The following PAFAH1B2 variants were observed in gnomAD, a reference collection of about 807,000 sequenced individuals.
PAFAH1B2 encodes platelet activating factor acetylhydrolase 1b catalytic subunit 2, also known as platelet-activating factor acetylhydrolase IB subunit alpha2.
Under a neutral mutation model 28.0 loss-of-function variants are expected in PAFAH1B2, and 8 were observed. That is an observed-to-expected ratio of 0.29 (90% CI 0.17 to 0.52). The LOEUF (loss-of-function observed/expected upper bound fraction) is 0.52, where lower values mean the gene tolerates loss of function less well. Ranked by LOEUF, PAFAH1B2 falls within the 20% of genes least tolerant of loss-of-function variation. The probability of loss-of-function intolerance (pLI) is 0.97; values close to 1 mark genes in which losing one functional copy is unlikely to be tolerated. For synonymous variants in PAFAH1B2, 104 were observed against 103.2 expected, an observed-to-expected ratio of 1.01 and a Z score of -0.05; for missense variants, 190 against 282.6, an observed-to-expected ratio of 0.67 and a Z score of 2.35.
At chr11:117,157,033 AAAAAAG>A (rs956944422) in intron 2 of PAFAH1B2, among the ~76,000 whole-genome samples, 3 of 129,936 alleles carry the variant, frequency 2.3e-5, no homozygotes, top group Admixed American at 7.4e-5. Flanking sequence ...TCAAAATCTC[AAAAAAG>A]AAAAAAAAAA....
At chr11:117,161,342 AT>A (rs1347103678) in intron 4 of PAFAH1B2, 81 bp downstream of exon 4, 1 of 913,180 alleles carries the variant, frequency 1.1e-6, no homozygotes, top group Non-Finnish European at 1.6e-6. Flanking sequence ...GTAAAAAAAA[AT>A]TGCTTCTTTA....
chr11:117,151,931 TCTCCTGAC>T (rs1244568324), intron 1 of PAFAH1B2, among the ~76,000 whole-genome samples: 3 of 151,974 alleles, frequency 2.0e-5, no homozygotes, highest in Non-Finnish European at 4.4e-5. Flanking sequence ...ATGGTCTTGA[TCTCCTGAC>T]CTCGTGATCC....
intron 5 of PAFAH1B2, 58 bp from the exon 6 acceptor site, chr11:117,167,360 AAAT>A (rs2134215531): frequency 6.9e-7 from 1 of 1,455,830 alleles, no homozygotes; most frequent in Non-Finnish European, 9.2e-7. Flanking sequence ...CTGAAGTTAT[AAAT>A]AATAAGTAGA....
rs747196488 is a variant in PAFAH1B2, at chr11:117,169,642, TAAC to T, written c.*1948_*1950del. The T allele has an allele frequency of 4.4e-5, 46 of 1,052,658 alleles. No individual in the cohort carries two copies. Among genetic ancestry groups the T allele is most frequent in the Non-Finnish European group, 5.1e-5 (44 of 870,520 alleles). The allele number at this position is 1,052,658 out of a possible 1,614,324, so 65.2% of individuals were successfully genotyped here. A position where few individuals can be genotyped will look rare whatever the true frequency, so the allele number is the denominator to read the frequency against. On this transcript the variant is annotated 3_prime_UTR_variant, in exon 6 of 6. Transcript: ENST00000527958. ...TTTTTTGAATGTATCATGTCTTCAT[TAAC>T]AACAGAAAATCCACATGGTGTTTAC...
At chr11:117,161,359 C>A in intron 4 of PAFAH1B2, 98 bp downstream of exon 4, 1 of 687,578 alleles carries the variant, frequency 1.5e-6, no homozygotes, top group South Asian at 2.2e-5. Context: ...CTTTAAAGAC[C>A]TATTTCACTA....
rs924954383 is a variant in PAFAH1B2, at chr11:117,152,765, T to TA, written c.81+247dup. ...TTGACCAAAACTGCAAAGGGGCAAT[T>TA]AAAAAAAAAACAAAACAAAACTCTA... On this transcript the variant is annotated intron_variant, in intron 2 of 5. Coordinates refer to ENST00000527958, the MANE Select transcript of PAFAH1B2 (RefSeq NM_002572.4). 7.9e-5 allele frequency among the ~76,000 whole-genome samples: 12 copies of TA among 151,452 alleles called. No homozygotes were observed. In the East Asian group the frequency reaches 1.4e-3, roughly 17 times the overall value.
At chr11:117,152,091 A>G (rs1166901680) in intron 1 of PAFAH1B2, among the ~76,000 whole-genome samples, 1 of 152,188 alleles carries the variant, frequency 6.6e-6, no homozygotes, top group East Asian at 1.9e-4. Flanking sequence ...ATTGTACTGT[A>G]AGTGTCTAAT....
chr11:117,171,055 GTCTT>G (rs775989154), downstream of PAFAH1B2: 36 of 1,026,568 alleles, frequency 3.5e-5, no homozygotes, highest in Non-Finnish European at 4.2e-5. Flanking sequence ...ATTTGCTGGT[GTCTT>G]TCTGTCTCCT....
chr11:117,151,307 G>T (rs1956145701), intron 1 of PAFAH1B2, among the ~76,000 whole-genome samples: 1 of 146,032 alleles, frequency 6.8e-6, no homozygotes, highest in South Asian at 2.1e-4. Flanking sequence ...TCGGCTCACT[G>T]CAACCTCCGC....
chr11:117,148,056 C>CT (rs201878667), intron 1 of PAFAH1B2, among the ~76,000 whole-genome samples: 4,166 of 129,542 alleles, frequency 0.032, 190 homozygotes, highest in African/African-American at 0.11. Context: ...TTTTTTTTTT[C>CT]TTTTTTTTTT....
chr11:117,174,839 T>C (rs61905519), downstream of PAFAH1B2: 36,481 of 1,194,122 alleles, frequency 0.031, 666 homozygotes, highest in Non-Finnish European at 0.034. Flanking sequence ...GGTCTCAAAC[T>C]CCTGACTTCA....
At chr11:117,162,722 C>G (rs1490960225) in intron 4 of PAFAH1B2, among the ~76,000 whole-genome samples, 1 of 152,008 alleles carries the variant, frequency 6.6e-6, no homozygotes, top group East Asian at 1.9e-4. Flanking sequence ...CCACTGCACT[C>G]CAGCCTGGGT....
At position 117,167,417 on chromosome 11, in the gene PAFAH1B2, C is replaced by A; in HGVS notation, c.412-4C>A. On this transcript the variant is annotated splice_region_variant and splice_polypyrimidine_tract_variant and intron_variant, in intron 5 of 5. Coordinates refer to ENST00000527958, the MANE Select transcript of PAFAH1B2 (RefSeq NM_002572.4). ...CTAATTTAATGTTTTCCACTGTGCC[C>A]CAGGGTTTGTTACCTCGAGGTGAGA... is the stretch of plus-strand genomic sequence containing the variant. The A allele has an allele frequency of 6.4e-7, 1 of 1,573,370 alleles. No homozygotes were observed. Among genetic ancestry groups the A allele is most frequent in the Non-Finnish European group, 8.7e-7 (1 of 1,152,194 alleles).
downstream of PAFAH1B2, chr11:117,174,853 G>A: frequency 7.4e-7 from 1 of 1,342,360 alleles, no homozygotes; most frequent in East Asian, 2.6e-5. Flanking sequence ...GACTTCAGAT[G>A]ATCCAACCGC....
rs879151103 is a variant in PAFAH1B2 at position 117,169,557 on chromosome 11, T to C, written c.*1858T>C. 9.5e-7 allele frequency: 1 copy of C among 1,056,158 alleles called. No homozygotes were observed. Among genetic ancestry groups the C allele is most frequent in the African/African-American group, 1.7e-5 (1 of 60,542 alleles). 65.4% of individuals were successfully genotyped at this position (1,056,158 alleles called of 1,614,324 possible). ...AGGGATGAACCTTGGGCTCATTTTT[T>C]TCTTGTGAAGTCTCTTTCTAGAAAA... is the stretch of plus-strand genomic sequence containing the variant. On this transcript the variant is annotated 3_prime_UTR_variant, in exon 6 of 6. Coordinates refer to ENST00000527958, the MANE Select transcript of PAFAH1B2 (RefSeq NM_002572.4).
At position 117,167,810 on chromosome 11, in the gene PAFAH1B2, G is replaced by C. The variant is rs1333096886; in HGVS notation, c.*111G>C. On this transcript the variant is annotated 3_prime_UTR_variant, in exon 6 of 6. Coordinates refer to ENST00000527958, the MANE Select transcript of PAFAH1B2 (RefSeq NM_002572.4). ...CACTTTGCATTGTAGAATGTTCCTG[G>C]ATGTTCATATCTAGTGTTTGAAGGG... 7.6e-7 allele frequency: 1 copy of C among 1,311,246 alleles called. No individual in the cohort carries two copies. The highest frequency in any genetic ancestry group is 2.8e-5 in the East Asian group (1 of 35,498). 81.2% of individuals were successfully genotyped at this position (1,311,246 alleles called of 1,614,324 possible).
chr11:117,163,823 A>T lies in PAFAH1B2; in HGVS notation c.342A>T (p.Val114=), dbSNP rs748196538. 2.3e-5 allele frequency: 37 copies of T among 1,613,960 alleles called. No individual in the cohort carries two copies. In the South Asian group the frequency reaches 4.0e-4, roughly 17 times the overall value. Residue 114 remains valine, a synonymous_variant, in exon 5 of 6, where the codon GTA becomes GTT. Coordinates refer to ENST00000527958, the MANE Select transcript of PAFAH1B2 (RefSeq NM_002572.4). ...TNNHENTAEE[V]AGGIEAIVQL... Reference sequence around the variant, plus strand: ...ACCACGAAAATACAGCAGAAGAAGTAGCAGGTGGGATCGAGGCCATTGTAC... The same window carrying T: ...ACCACGAAAATACAGCAGAAGAAGTTGCAGGTGGGATCGAGGCCATTGTAC...
At chr11:117,157,558 C>T (rs1016417798) in intron 2 of PAFAH1B2, among the ~76,000 whole-genome samples, 1 of 152,150 alleles carries the variant, frequency 6.6e-6, no homozygotes, top group African/African-American at 2.4e-5. Flanking sequence ...GTATTGTCAA[C>T]AGAAATACTT....
chr11:117,144,613 C>T (rs1218469180), intron 1 of PAFAH1B2, among the ~76,000 whole-genome samples, 195 bp downstream of exon 1: 2 of 152,094 alleles, frequency 1.3e-5, no homozygotes, highest in African/African-American at 2.4e-5. Context: ...GGCTTCCCAG[C>T]AGCCGGCGCA....
Sources: gnomAD v4.1 joint callset for allele counts (sites outside exome capture counted in the v4.1 genomes callset) on GRCh38, gnomAD v4.1.1 for gene constraint, MANE v1.5 for transcripts, NCBI Gene and HGNC (gene_info 2026-07-23, HGNC 2026-07-21) for gene names.